Variants in KIF16B observed in about 807,000 individuals in gnomAD.
KIF16B encodes the protein kinesin-like protein KIF16B.
A neutral mutation model predicts 156.3 loss-of-function variants in KIF16B; 98 were observed. That is an observed-to-expected ratio of 0.63 (90% CI 0.53 to 0.74). The LOEUF is 0.74. KIF16B is among the 30% of genes least tolerant of loss of function. KIF16B has a pLI of 0.00. For missense variants in KIF16B, 1,421 were observed against 1,606.5 expected (o/e 0.88, Z 1.97); for synonymous variants, 564 against 583.7 (o/e 0.97, Z 0.49).
chr20:16,568,513 G>C (rs2071341806), intron 1 of KIF16B, among the ~76,000 whole-genome samples: 1 of 152,176 alleles, frequency 6.6e-6, no homozygotes, highest in Admixed American at 6.6e-5. Context: ...ACCCACAACA[G>C]TGTTTTTCAC....
chr20:16,389,102 C>T (rs1369634699), intron 17 of KIF16B, among the ~76,000 whole-genome samples: 2 of 152,158 alleles, frequency 1.3e-5, no homozygotes, highest in Admixed American at 6.5e-5. Context: ...ACTCTATTAT[C>T]TCAGTGGGCA....
intron 12 of KIF16B, among the ~76,000 whole-genome samples, chr20:16,463,194 T>C (rs1361287970): frequency 1.3e-5 from 2 of 152,204 alleles, no homozygotes; most frequent in African/African-American, 4.8e-5. Flanking sequence ...AGCTTTTCTC[T>C]TTCTTTTGCC....
chr20:16,402,139 C>T (rs145256503), intron 17 of KIF16B, among the ~76,000 whole-genome samples: 120 of 152,206 alleles, frequency 7.9e-4, no homozygotes, highest in African/African-American at 2.8e-3. Flanking sequence ...CTTGCTTTCC[C>T]CTTCAGTCTC....
intron 15 of KIF16B, among the ~76,000 whole-genome samples, chr20:16,418,161 T>C (rs1284988111): frequency 2.6e-5 from 4 of 151,530 alleles, no homozygotes; most frequent in African/African-American, 4.9e-5. Flanking sequence ...GAAAAATAGA[T>C]GTGATGAGTG....
intron 12 of KIF16B, among the ~76,000 whole-genome samples, chr20:16,481,977 T>C (rs765062759): frequency 1.3e-5 from 2 of 152,134 alleles, no homozygotes; most frequent in Non-Finnish European, 2.9e-5. Flanking sequence ...CATCTTACAG[T>C]GAGGTTCTGG....
At chr20:16,430,049 C>T in intron 12 of KIF16B, 67 bp from the exon 13 acceptor site, 2 of 1,456,770 alleles carry the variant, frequency 1.4e-6, no homozygotes, top group Non-Finnish European at 1.8e-6. Context: ...ATTAGGTGTT[C>T]TTCAGATTGT....
At chr20:16,439,983 C>G (rs377692316) in intron 12 of KIF16B, among the ~76,000 whole-genome samples, 3 of 152,214 alleles carry the variant, frequency 2.0e-5, no homozygotes, top group African/African-American at 4.8e-5. Context: ...GGTCCCTGCT[C>G]AGACAAAGCT....
chr20:16,435,670 AC>A (rs1205300539), intron 12 of KIF16B, among the ~76,000 whole-genome samples: 1 of 152,138 alleles, frequency 6.6e-6, no homozygotes, highest in East Asian at 1.9e-4. Context: ...TCCTTATATT[AC>A]ACTGGTCTTT....
chr20:16,308,824 G>A (rs1568836813), intron 25 of KIF16B, among the ~76,000 whole-genome samples: 1 of 152,230 alleles, frequency 6.6e-6, no homozygotes, highest in Non-Finnish European at 1.5e-5. Context: ...CTATCTCACT[G>A]AAAATACATT....
intron 12 of KIF16B, among the ~76,000 whole-genome samples, chr20:16,434,305 GGAA>G (rs997981533): frequency 6.6e-5 from 10 of 152,244 alleles, no homozygotes; most frequent in East Asian, 1.9e-4. Flanking sequence ...AGATCTCGTG[GGAA>G]GAAGACCACA....
intron 23 of KIF16B, among the ~76,000 whole-genome samples, chr20:16,343,809 C>T (rs2064183111): frequency 1.3e-5 from 2 of 152,070 alleles, no homozygotes; most frequent in Non-Finnish European, 1.5e-5. Context: ...ACAAGATGCT[C>T]CATGGAGTAT....
intron 23 of KIF16B, among the ~76,000 whole-genome samples, chr20:16,337,154 T>A (rs2064053928): frequency 6.6e-6 from 1 of 152,182 alleles, no homozygotes; most frequent in African/African-American, 2.4e-5. Flanking sequence ...CATCCCTGAA[T>A]GCGCATATTC....
At chr20:16,466,705 T>C (rs1321923568) in intron 12 of KIF16B, among the ~76,000 whole-genome samples, 1 of 152,204 alleles carries the variant, frequency 6.6e-6, no homozygotes, top group African/African-American at 2.4e-5. Flanking sequence ...ATATCTTTAT[T>C]AGCACATGAA....
chr20:16,573,310 T>A lies in KIF16B; in HGVS notation c.-35A>T. 1 of 1,607,704 alleles carries A rather than the reference T, an allele frequency of 6.2e-7. No homozygotes were observed. The highest frequency in any genetic ancestry group is 8.5e-7 in the Non-Finnish European group (1 of 1,177,662). ...CGAACCAGCCCGCGCGGGGTCCCACTAGCCCAGAACTCCGCGGTCGCCGGC... is the reference window on the plus strand; with the variant it reads ...CGAACCAGCCCGCGCGGGGTCCCACAAGCCCAGAACTCCGCGGTCGCCGGC... On this transcript the variant is annotated 5_prime_UTR_variant, in exon 1 of 26. Transcript: ENST00000354981.
chr20:16,289,017 C>G (rs1241445330), intron 25 of KIF16B, among the ~76,000 whole-genome samples: 7 of 151,962 alleles, frequency 4.6e-5, no homozygotes, highest in Admixed American at 4.6e-4. Context: ...TGAAAATACT[C>G]TAAGTCGAAA....
At chr20:16,350,780 G>A (rs75382048) in intron 23 of KIF16B, among the ~76,000 whole-genome samples, 2,259 of 151,968 alleles carry the variant, frequency 0.015, 69 homozygotes, top group African/African-American at 0.052. Flanking sequence ...AGTCATCACC[G>A]AAGCGCCAGA....
chr20:16,505,727 A>G lies in KIF16B; in HGVS notation c.995T>C (p.Ile332Thr). The G allele has an allele frequency of 6.2e-7, 1 of 1,612,666 alleles. No individual in the cohort carries two copies. Among genetic ancestry groups the G allele is most frequent in the Non-Finnish European group, 8.5e-7 (1 of 1,179,158 alleles). The change falls in exon 9 of 26, where the codon ATT (isoleucine) becomes ACT (threonine). Residue 332 changes from isoleucine (I) to threonine (T), a missense_variant. By Grantham distance (89) the Ile-to-Thr change is moderately conservative. Coordinates refer to ENST00000354981, the MANE Select transcript of KIF16B (RefSeq NM_024704.5). ...AAGTAACTTAAAACTCTTACTGGCAATCATGATAGTTTTAGAGTTTCCTCC... is the reference window on the plus strand; with the variant it reads ...AAGTAACTTAAAACTCTTACTGGCAGTCATGATAGTTTTAGAGTTTCCTCC... ...SLGGNSKTIM[I>T]ATISPADVNY...
rs557269825 is a variant in KIF16B at position 16,515,637 on chromosome 20, C to T, written c.259G>A (p.Val87Met). The T allele has an allele frequency of 3.5e-5, 56 of 1,611,974 alleles. 1 individual carries two copies. Among genetic ancestry groups the T allele is most frequent in the African/African-American group, 2.1e-4 (16 of 74,998 alleles). Reference sequence around the variant, plus strand: ...TTATAACCTTCAAATGCAGACTTCACGACATCTGTGCCGAGGGTTTTGAAA... The same window carrying T: ...TTATAACCTTCAAATGCAGACTTCATGACATCTGTGCCGAGGGTTTTGAAA... ...MVFKTLGTDV[V>M]KSAFEGYNAC... is the part of the protein sequence containing the mutation. The change falls in exon 4 of 26, where the codon GTG (valine) becomes ATG (methionine). Residue 87 changes from valine to methionine, a missense_variant. Val to Met is a conservative substitution (Grantham distance 21, BLOSUM62 1). Coordinates refer to ENST00000354981, the MANE Select transcript of KIF16B (RefSeq NM_024704.5).
chr20:16,424,309 G>A (rs1471281067), intron 15 of KIF16B, among the ~76,000 whole-genome samples: 1 of 152,066 alleles, frequency 6.6e-6, no homozygotes, highest in South Asian at 2.1e-4. Flanking sequence ...CCAGGTTGGC[G>A]CTCCATCGCA....
Sources: allele counts gnomAD v4.1 joint callset (sites outside exome capture counted in the v4.1 genomes callset), GRCh38; gene constraint gnomAD v4.1.1; transcripts MANE v1.5; gene names NCBI Gene and HGNC (gene_info 2026-07-23, HGNC 2026-07-21).